DDC: variants seen among roughly 807,000 people sequenced by gnomAD.
DDC encodes the protein aromatic-L-amino-acid decarboxylase.
Under a neutral mutation model 60.0 loss-of-function variants are expected in DDC, and 43 were observed. That is an observed-to-expected ratio of 0.72 (90% CI 0.56 to 0.92). DDC has a LOEUF of 0.92. Ranked by LOEUF, DDC falls within the 40% of genes least tolerant of loss-of-function variation. DDC has a pLI of 0.00. For synonymous variants in DDC, 232 were observed against 234.6 expected (o/e 0.99, Z 0.10); for missense variants, 573 against 620.2 (o/e 0.92, Z 0.81).
At chr7:50,476,734 T>C (rs2153535585) in intron 10 of DDC, 91 bp from the exon 11 acceptor site, 1 of 1,253,246 alleles carries the variant, frequency 8.0e-7, no homozygotes, top group Non-Finnish European at 1.1e-6. Flanking sequence ...GGTAAATTTC[T>C]TGTGTCTTCT....
intron 9 of DDC, among the ~76,000 whole-genome samples, chr7:50,482,834 T>C (rs2042799025): frequency 6.6e-6 from 1 of 152,228 alleles, no homozygotes; most frequent in South Asian, 2.1e-4. Context: ...ACATACTGTT[T>C]AATGTAGATG....
chr7:50,473,235 T>C (rs1400207436), intron 11 of DDC, among the ~76,000 whole-genome samples: 2 of 152,082 alleles, frequency 1.3e-5, no homozygotes, highest in Non-Finnish European at 2.9e-5. Context: ...ACCCAAGGGA[T>C]AGAAAGAGCA....
At chr7:50,523,119 A>G (rs541570860) in intron 6 of DDC, among the ~76,000 whole-genome samples, 80 of 152,324 alleles carry the variant, frequency 5.3e-4, no homozygotes, top group African/African-American at 1.8e-3. Flanking sequence ...GCAAAAAATG[A>G]ATCTAGACAT....
intron 1 of DDC, among the ~76,000 whole-genome samples, chr7:50,544,847 T>C (rs980541768): frequency 6.6e-6 from 1 of 152,204 alleles, no homozygotes; most frequent in Non-Finnish European, 1.5e-5. Context: ...GATCCCAACA[T>C]TTTTGTCAAC....
chr7:50,517,860 C>T (rs2043778416), intron 6 of DDC, among the ~76,000 whole-genome samples: 2 of 144,146 alleles, frequency 1.4e-5, no homozygotes, highest in Non-Finnish European at 3.0e-5. Context: ...TAGGAATATA[C>T]CTAACCAAGG....
rs994678561 is a variant in DDC, at chr7:50,523,205, A to C, written c.714+4932T>G. ...ATCTATTTTAATGTTTTAAAGTACA[A>C]AACTATAAATTTCCGAGAAGATAAT... On this transcript the variant is annotated intron_variant, in intron 6 of 14. Transcript: ENST00000444124. Among the ~76,000 whole-genome samples, 3 of 152,232 alleles carry C rather than the reference A, an allele frequency of 2.0e-5. 1 individual carries two copies. The highest frequency in any genetic ancestry group is 7.2e-5 in the African/African-American group (3 of 41,468).
chr7:50,530,785 A>G (rs2044180373), intron 4 of DDC, among the ~76,000 whole-genome samples: 1 of 152,178 alleles, frequency 6.6e-6, no homozygotes, highest in South Asian at 2.1e-4. Flanking sequence ...CAAATAAAAG[A>G]AGGTAGGTTC....
intron 4 of DDC, among the ~76,000 whole-genome samples, chr7:50,530,720 G>A (rs2044178096): frequency 6.6e-6 from 1 of 152,110 alleles, no homozygotes; most frequent in African/African-American, 2.4e-5. Flanking sequence ...TCCCTCTTAA[G>A]TAAGTCGTAG....
chr7:50,493,934 C>T (rs2043065197), intron 9 of DDC, among the ~76,000 whole-genome samples: 2 of 152,274 alleles, frequency 1.3e-5, no homozygotes, highest in South Asian at 4.1e-4. Flanking sequence ...AAGTTATTCA[C>T]TTAATTACAT....
In DDC at chr7:50,480,605, T is replaced by C. The variant is rs964494618; in HGVS notation, c.945-742A>G. Among the ~76,000 whole-genome samples the C allele has an allele frequency of 2.0e-5, 3 of 151,544 alleles. No homozygotes were observed. In the East Asian group the frequency reaches 5.8e-4, roughly 29 times the overall value. ...GGACTGAGCCCTTAACCCTGTGGAG[T>C]CTGACGCTACCTCTAGGTAGTTACA... On this transcript the variant is annotated intron_variant, in intron 9 of 14. Coordinates refer to ENST00000444124, the MANE Select transcript of DDC (RefSeq NM_001082971.2).
rs11575465 is a variant in DDC, at chr7:50,479,330, G to A, written c.1021+457C>T. On this transcript the variant is annotated intron_variant, in intron 10 of 14. Transcript: ENST00000444124. ...GGTGCACCTTTGTGTGCTGATCTGA[G>A]CCTTGGCTTCATCTTATTTTCTCTT... 2.3e-4 allele frequency among the ~76,000 whole-genome samples: 35 copies of A among 152,316 alleles called. 1 individual carries two copies. Among genetic ancestry groups the A allele is most frequent in the Admixed American group, 1.6e-3 (25 of 15,306 alleles).
chr7:50,508,858 TAA>T lies in DDC; in HGVS notation c.715-4801_715-4800del, dbSNP rs113518438. ...GCTTTACAATCCTTTGGCTGCCAGT[TAA>T]AGACAACAAACAAGGTGCATTTCCT... On this transcript the variant is annotated intron_variant, in intron 6 of 14. Coordinates refer to ENST00000444124, the MANE Select transcript of DDC (RefSeq NM_001082971.2). 3.8e-3 allele frequency among the ~76,000 whole-genome samples: 574 copies of T among 152,286 alleles called. 7 individuals carry two copies. The highest frequency in any genetic ancestry group is 0.013 in the African/African-American group (544 of 41,552).
rs563856227 is a variant in DDC at position 50,518,382 on chromosome 7, A to C, written c.714+9755T>G. ...CATCATTCTTCACAGAAATAGAAAA[A>C]AACAATTCTAAAATTCATATGAAAC... is the stretch of plus-strand genomic sequence containing the variant. On this transcript the variant is annotated intron_variant, in intron 6 of 14. Coordinates refer to ENST00000444124, the MANE Select transcript of DDC (RefSeq NM_001082971.2). Among the ~76,000 whole-genome samples, 11 of 152,296 alleles carry C rather than the reference A, an allele frequency of 7.2e-5. No individual in the cohort carries two copies. The East Asian group carries it at 1.7e-3, about 24-fold the overall frequency.
intron 2 of DDC, among the ~76,000 whole-genome samples, chr7:50,543,648 C>T (rs2044707773): frequency 6.6e-6 from 1 of 152,106 alleles, no homozygotes; most frequent in Admixed American, 6.5e-5. Context: ...AGCCTCACTG[C>T]CCTTGGATTT....
chr7:50,513,229 G>T (rs1460348321), intron 6 of DDC, among the ~76,000 whole-genome samples: 2 of 152,180 alleles, frequency 1.3e-5, no homozygotes, highest in African/African-American at 2.4e-5. Context: ...GAAAGTGAAG[G>T]TCTGTTGCGG....
intron 6 of DDC, among the ~76,000 whole-genome samples, chr7:50,505,676 G>A (rs1044569577): frequency 2.6e-5 from 4 of 152,246 alleles, no homozygotes; most frequent in African/African-American, 9.6e-5. Flanking sequence ...CCTCTCACAG[G>A]TGGCTGGGCT....
intron 9 of DDC, among the ~76,000 whole-genome samples, chr7:50,482,351 G>T (rs898929860): frequency 1.8e-4 from 27 of 152,140 alleles, no homozygotes; most frequent in Admixed American, 1.5e-3. Flanking sequence ...CCTTGATAAA[G>T]AATTTTTTGT....
At chr7:50,559,064 A>G (rs2045272266) in intron 1 of DDC, among the ~76,000 whole-genome samples, 1 of 152,244 alleles carries the variant, frequency 6.6e-6, no homozygotes, top group Non-Finnish European at 1.5e-5. Context: ...AATGTTGAAT[A>G]GTTGCCATAT....
In DDC at chr7:50,499,162, G is replaced by T. The variant is rs773067588; in HGVS notation, c.862C>A (p.Leu288Met). The change falls in exon 8 of 15, where the codon CTG becomes ATG. Residue 288 changes from leucine to methionine, a missense_variant. Coordinates refer to ENST00000444124, the MANE Select transcript of DDC (RefSeq NM_001082971.2). ...AFICPEFRHL[L>M]NGVEFADSFN... ...GGTGCACCTACCTCCACTCCATTCAGAAGGTGCCGGAACTCAGGGCAGATG... is the reference window on the plus strand; with the variant it reads ...GGTGCACCTACCTCCACTCCATTCATAAGGTGCCGGAACTCAGGGCAGATG... 5 of 1,613,830 alleles carry T rather than the reference G, an allele frequency of 3.1e-6. No homozygotes were observed. Among genetic ancestry groups the T allele is most frequent in the Non-Finnish European group, 4.2e-6 (5 of 1,179,782 alleles).
Sources: gnomAD v4.1 joint callset for allele counts (sites outside exome capture counted in the v4.1 genomes callset) on GRCh38, gnomAD v4.1.1 for gene constraint, MANE v1.5 for transcripts, NCBI Gene and HGNC (gene_info 2026-07-23, HGNC 2026-07-21) for gene names.